Variants in TMEM132B observed in about 807,000 individuals in gnomAD.
TMEM132B encodes transmembrane protein 132B.
A neutral mutation model predicts 90.8 loss-of-function variants in TMEM132B; 18 were observed. The observed-to-expected ratio is 0.20, with a 90% CI of 0.14 to 0.29. TMEM132B has a LOEUF of 0.29. TMEM132B is among the 10% of genes least tolerant of loss of function. The probability of loss-of-function intolerance (pLI) is 1.00; values close to 1 mark genes in which losing one functional copy is unlikely to be tolerated. For missense variants in TMEM132B, 1,096 were observed against 1,326.8 expected, an observed-to-expected ratio of 0.83 and a Z score of 2.70; for synonymous variants, 504 against 523.3, an observed-to-expected ratio of 0.96 and a Z score of 0.50.
intron 2 of TMEM132B, among the ~76,000 whole-genome samples, chr12:125,385,293 G>T (rs1237470373): frequency 6.6e-6 from 1 of 152,050 alleles, no homozygotes; most frequent in Non-Finnish European, 1.5e-5. Flanking sequence ...GATAATATTT[G>T]AAGGGATAAA....
chr12:125,343,937 A>C (rs1459617285), intron 1 of TMEM132B, among the ~76,000 whole-genome samples: 1 of 152,242 alleles, frequency 6.6e-6, no homozygotes, highest in Non-Finnish European at 1.5e-5. Flanking sequence ...GCCAGAGAGA[A>C]ACTCAGAAGG....
chr12:125,551,555 A>G (rs1246051994), intron 4 of TMEM132B, among the ~76,000 whole-genome samples: 2 of 151,938 alleles, frequency 1.3e-5, no homozygotes, highest in Non-Finnish European at 2.9e-5. Flanking sequence ...GAGTTTTGAC[A>G]CATCTATTTC....
In TMEM132B at chr12:125,246,002, A is replaced by T. The variant is rs554735572; in HGVS notation, c.67+59136A>T. ...GGCTGGGCTAGTGATAATAACAAGG[A>T]CCATTTTAACACAAAACGGGACCCT... On this transcript the variant is annotated intron_variant, in intron 1 of 8. Transcript: ENST00000682704. The surrounding 1 kb of genome is among the most constrained non-coding windows in gnomAD (Gnocchi z 4.2). 9.9e-5 allele frequency among the ~76,000 whole-genome samples: 15 copies of T among 152,240 alleles called. No individual in the cohort carries two copies. The South Asian group carries it at 3.1e-3, about 32-fold the overall frequency.
chr12:125,258,136 T>C (rs1874481925), intron 1 of TMEM132B, among the ~76,000 whole-genome samples: 1 of 152,222 alleles, frequency 6.6e-6, no homozygotes, highest in African/African-American at 2.4e-5. Context: ...TTAAGGGCTG[T>C]GTACAAAGCA....
intron 4 of TMEM132B, among the ~76,000 whole-genome samples, chr12:125,561,367 G>C (rs1231838202): frequency 6.6e-6 from 1 of 150,562 alleles, no homozygotes; most frequent in African/African-American, 2.4e-5. Flanking sequence ...ACCGGGGCCT[G>C]TCAGGGGGTA....
At chr12:125,334,254 C>A (rs954106177) in intron 1 of TMEM132B, among the ~76,000 whole-genome samples, 3 of 152,206 alleles carry the variant, frequency 2.0e-5, no homozygotes, top group Admixed American at 1.3e-4. Flanking sequence ...ATCCATATTT[C>A]ATAGCTCGTG....
At chr12:125,502,473 T>C (rs1256785910) in intron 3 of TMEM132B, among the ~76,000 whole-genome samples, 1 of 152,202 alleles carries the variant, frequency 6.6e-6, no homozygotes, top group Non-Finnish European at 1.5e-5. Context: ...GAAACAGAGA[T>C]TCATGCTAGT....
At chr12:125,276,451 C>T (rs986370625) in intron 1 of TMEM132B, among the ~76,000 whole-genome samples, 10 of 152,190 alleles carry the variant, frequency 6.6e-5, no homozygotes, top group East Asian at 3.8e-4. Flanking sequence ...CTATCCATCC[C>T]GGACTTTGTT....
rs1881395502 is a variant in TMEM132B, at chr12:125,460,083, T to G, written c.1106+44406T>G. Among the ~76,000 whole-genome samples the G allele has an allele frequency of 6.6e-6, 1 of 152,226 alleles. No homozygotes were observed. Among genetic ancestry groups the G allele is most frequent in the African/African-American group, 2.4e-5 (1 of 41,456 alleles). Reference sequence around the variant, plus strand: ...CTTTATCAGCAGTGTGTGAACAGACTAATATAACCCATTTTACCTGATGTG... The same window carrying G: ...CTTTATCAGCAGTGTGTGAACAGACGAATATAACCCATTTTACCTGATGTG... On this transcript the variant is annotated intron_variant, in intron 3 of 8. Transcript: ENST00000682704. The surrounding 1 kb of genome is among the most constrained non-coding windows in gnomAD (Gnocchi z 4.4).
intron 3 of TMEM132B, among the ~76,000 whole-genome samples, chr12:125,443,231 AG>A (rs1422777698): frequency 6.6e-6 from 1 of 152,214 alleles, no homozygotes; most frequent in African/African-American, 2.4e-5. Flanking sequence ...CAGGAGACCC[AG>A]GTGTGAGGTG....
intron 5 of TMEM132B, among the ~76,000 whole-genome samples, chr12:125,632,818 G>T (rs1031332382): frequency 6.6e-6 from 1 of 151,864 alleles, no homozygotes; most frequent in Admixed American, 6.6e-5. Flanking sequence ...CTATTTTTAG[G>T]ATCTATTCTT....
At chr12:125,249,588 G>T (rs1364899422) in intron 1 of TMEM132B, among the ~76,000 whole-genome samples, 1 of 152,230 alleles carries the variant, frequency 6.6e-6, no homozygotes, top group Non-Finnish European at 1.5e-5. Flanking sequence ...AATCATCACT[G>T]TGTCATCCAG....
intron 5 of TMEM132B, among the ~76,000 whole-genome samples, chr12:125,631,933 C>A (rs1886377046): frequency 6.6e-6 from 1 of 151,890 alleles, no homozygotes; most frequent in Admixed American, 6.6e-5. Context: ...TTAAAAAATC[C>A]ATTTAGCCAC....
intron 1 of TMEM132B, among the ~76,000 whole-genome samples, chr12:125,289,877 T>C (rs1437259737): frequency 3.9e-5 from 6 of 152,214 alleles, no homozygotes; most frequent in Non-Finnish European, 7.3e-5. Context: ...TACAGCAGTC[T>C]CAAAAGTCCT....
intron 5 of TMEM132B, among the ~76,000 whole-genome samples, chr12:125,590,821 A>G (rs1885298232): frequency 6.6e-6 from 1 of 152,228 alleles, no homozygotes; most frequent in Non-Finnish European, 1.5e-5. Context: ...AGCTTTTAAG[A>G]CAGGTAATAC....
At chr12:125,641,318 G>A (rs2137021949) in intron 5 of TMEM132B, among the ~76,000 whole-genome samples, 1 of 152,326 alleles carries the variant, frequency 6.6e-6, no homozygotes, top group South Asian at 2.1e-4. Flanking sequence ...AACTTTTAGG[G>A]AGTAGATGAG....
At chr12:125,331,115 C>T (rs1876754807) in intron 1 of TMEM132B, among the ~76,000 whole-genome samples, 1 of 152,184 alleles carries the variant, frequency 6.6e-6, no homozygotes, top group South Asian at 2.1e-4. Flanking sequence ...GCCCGCGAGG[C>T]CCGGGGTCTG....
chr12:125,594,261 G>A (rs2136901873), intron 5 of TMEM132B, among the ~76,000 whole-genome samples: 1 of 152,274 alleles, frequency 6.6e-6, no homozygotes, highest in South Asian at 2.1e-4. Flanking sequence ...TTACTGAGTA[G>A]TATTCCACTG....
At chr12:125,561,248 C>A (rs1003877079) in intron 4 of TMEM132B, among the ~76,000 whole-genome samples, 1 of 152,052 alleles carries the variant, frequency 6.6e-6, no homozygotes, top group Non-Finnish European at 1.5e-5. Context: ...TAGAAACCAT[C>A]ATTCTCAGCA....
Sources: gnomAD v4.1 joint callset for allele counts (sites outside exome capture counted in the v4.1 genomes callset) on GRCh38, gnomAD v4.1.1 for gene constraint, Gnocchi (gnomAD v3.1) non-coding constraint, MANE v1.5 for transcripts, NCBI Gene and HGNC (gene_info 2026-07-23, HGNC 2026-07-21) for gene names.